The following MIR2052HG variants were observed in gnomAD, a reference collection of about 807,000 sequenced individuals.
MIR2052HG encodes the protein MIR2052 host gene.
intron 1 of MIR2052HG, among the ~76,000 whole-genome samples, chr8:74,601,445 C>G (rs1444395309): frequency 6.6e-6 from 1 of 152,154 alleles, no homozygotes; most frequent in Non-Finnish European, 1.5e-5. Flanking sequence ...CTCATCTGTA[C>G]GTGTTAAAAT....
chr8:74,692,694 A>C (rs544794573), intron 2 of MIR2052HG, among the ~76,000 whole-genome samples: 32 of 152,352 alleles, frequency 2.1e-4, no homozygotes, highest in African/African-American at 7.2e-4. Context: ...ACATAATTTG[A>C]AAGTTGTTTC....
intron 1 of MIR2052HG, among the ~76,000 whole-genome samples, chr8:74,602,876 T>TCCTTTCTTTCTTTCTTTC (rs1554570015): frequency 7.3e-6 from 1 of 137,062 alleles, no homozygotes; most frequent in Non-Finnish European, 1.6e-5. Flanking sequence ...TTTCTTTCTT[T>TCCTTTCTTTCTTTCTTTC]TTTCTATTCA....
chr8:74,601,350 T>C lies in MIR2052HG; in HGVS notation n.128+1442T>C, dbSNP rs115703397. ...TTTGGTGTCTTTGTTCATGCTATTC[T>C]GTATAAGAGAGTGTGCCCATAACAT... On this transcript the variant is annotated intron_variant and non_coding_transcript_variant, in intron 1 of 6. Transcript: ENST00000523442. 5.1e-3 allele frequency among the ~76,000 whole-genome samples: 776 copies of C among 152,322 alleles called. 4 individuals are homozygous for C. Among genetic ancestry groups the C allele is most frequent in the African/African-American group, 0.015 (640 of 41,576 alleles).
At chr8:74,681,883 C>A (rs1388793127) in intron 2 of MIR2052HG, among the ~76,000 whole-genome samples, 1 of 152,046 alleles carries the variant, frequency 6.6e-6, no homozygotes, top group Non-Finnish European at 1.5e-5. Flanking sequence ...CAGAAACAGA[C>A]CCATAAGTAC....
chr8:74,611,014 TAGAA>T (rs550732164), intron 1 of MIR2052HG, among the ~76,000 whole-genome samples: 1 of 152,134 alleles, frequency 6.6e-6, no homozygotes, highest in Admixed American at 6.5e-5. Flanking sequence ...GAACAGCTCT[TAGAA>T]AGACACTATT....
At chr8:74,626,611 G>C (rs1808439798) in intron 2 of MIR2052HG, among the ~76,000 whole-genome samples, 1 of 152,174 alleles carries the variant, frequency 6.6e-6, no homozygotes, top group African/African-American at 2.4e-5. Flanking sequence ...GCAACAAGAT[G>C]CTTCATCTTC....
At chr8:74,612,105 G>A (rs555497554) in intron 1 of MIR2052HG, among the ~76,000 whole-genome samples, 6 of 152,296 alleles carry the variant, frequency 3.9e-5, no homozygotes, top group African/African-American at 7.2e-5. Flanking sequence ...CCCAGTGGCC[G>A]CATGACACCT....
intron 2 of MIR2052HG, among the ~76,000 whole-genome samples, chr8:74,619,068 A>G (rs2128732398): frequency 6.6e-6 from 1 of 152,324 alleles, no homozygotes; most frequent in East Asian, 1.9e-4. Context: ...AATTTTTTTA[A>G]AAAGCTGAAA....
At chr8:74,686,885 T>C (rs1809187097) in intron 2 of MIR2052HG, among the ~76,000 whole-genome samples, 2 of 152,048 alleles carry the variant, frequency 1.3e-5, no homozygotes, top group South Asian at 4.1e-4. Flanking sequence ...AAAAGATAGG[T>C]TTTTGATAAT....
chr8:74,628,528 A>C (rs1808466394), intron 2 of MIR2052HG, among the ~76,000 whole-genome samples: 1 of 152,142 alleles, frequency 6.6e-6, no homozygotes, highest in South Asian at 2.1e-4. Context: ...ATTCAGTAAA[A>C]ACTGCTTGGG....
At chr8:74,687,950 A>G (rs552453824) in intron 2 of MIR2052HG, among the ~76,000 whole-genome samples, 2 of 152,274 alleles carry the variant, frequency 1.3e-5, no homozygotes, top group South Asian at 4.1e-4. Context: ...ATCAAATTAT[A>G]CACATCAAAT....
At chr8:74,615,177 G>A (rs1808260005) in intron 2 of MIR2052HG, 1 of 152,166 alleles carries the variant, frequency 6.6e-6, no homozygotes, top group Non-Finnish European at 1.5e-5. Context: ...CCTCCCTATG[G>A]AGCCAGTTAA....
chr8:74,702,637 A>T (rs1809369532), intron 3 of MIR2052HG, among the ~76,000 whole-genome samples: 1 of 152,146 alleles, frequency 6.6e-6, no homozygotes, highest in Non-Finnish European at 1.5e-5. Flanking sequence ...AAATAAAAAG[A>T]ACTGGACAAT....
intron 2 of MIR2052HG, among the ~76,000 whole-genome samples, chr8:74,677,042 G>C (rs1454890110): frequency 1.3e-5 from 2 of 151,998 alleles, no homozygotes; most frequent in Non-Finnish European, 2.9e-5. Flanking sequence ...AAAAGAACTT[G>C]TGTAACTATT....
intron 2 of MIR2052HG, among the ~76,000 whole-genome samples, chr8:74,622,585 C>G (rs990835236): frequency 1.3e-5 from 2 of 151,558 alleles, no homozygotes; most frequent in South Asian, 2.1e-4. Flanking sequence ...GCCTAGGCCA[C>G]AGAGTGAGAC....
intron 4 of MIR2052HG, among the ~76,000 whole-genome samples, chr8:74,750,634 T>G (rs1263485806): frequency 6.6e-6 from 1 of 152,240 alleles, no homozygotes; most frequent in Non-Finnish European, 1.5e-5. Flanking sequence ...AAAGGACAAC[T>G]AATGTCAAAT....
At chr8:74,603,672 G>C (rs193279983) in intron 1 of MIR2052HG, 22 of 1,057,704 alleles carry the variant, frequency 2.1e-5, no homozygotes, top group Non-Finnish European at 3.1e-5. Context: ...AGGCCTGACC[G>C]CCTGCAAAGA....
At chr8:74,678,076 A>G (rs269166) in intron 2 of MIR2052HG, among the ~76,000 whole-genome samples, 63,484 of 152,032 alleles carry the variant, frequency 0.42, 17,480 homozygotes, top group African/African-American at 0.79. Flanking sequence ...CAAAACTGAC[A>G]GAAGAGGAAA....
At chr8:74,636,351 G>T (rs574314569) in intron 2 of MIR2052HG, among the ~76,000 whole-genome samples, 1 of 152,138 alleles carries the variant, frequency 6.6e-6, no homozygotes, top group East Asian at 1.9e-4. Context: ...TTGAATTTAG[G>T]ATGCTTTTAC....
Sources: gnomAD v4.1 joint callset for allele counts (sites outside exome capture counted in the v4.1 genomes callset) on GRCh38, gnomAD v4.1.1 for gene constraint, MANE v1.5 for transcripts, NCBI Gene and HGNC (gene_info 2026-07-23, HGNC 2026-07-21) for gene names.